Variants in SRPK2 observed in about 807,000 individuals in gnomAD.
SRPK2 encodes the protein SRSF protein kinase 2.
In SRPK2, 21 loss-of-function variants were observed where a neutral mutation model predicts 90.8. That is an observed-to-expected ratio of 0.23 (90% CI 0.16 to 0.33). SRPK2 has a LOEUF of 0.33. SRPK2 is among the 10% of genes least tolerant of loss of function. The pLI is 1.00. For synonymous variants in SRPK2, 288 were observed against 311.1 expected (o/e 0.93, Z 0.78); for missense variants, 620 against 869.0 (o/e 0.71, Z 3.60).
At chr7:105,134,857 T>G (rs1434631414) in intron 11 of SRPK2, among the ~76,000 whole-genome samples, 1 of 152,220 alleles carries the variant, frequency 6.6e-6, no homozygotes, top group Non-Finnish European at 1.5e-5. Flanking sequence ...GGTACAGATA[T>G]TCCCTGCTTG....
intron 3 of SRPK2, among the ~76,000 whole-genome samples, chr7:105,170,035 T>C (rs1352507738): frequency 6.6e-6 from 1 of 152,110 alleles, no homozygotes; most frequent in Non-Finnish European, 1.5e-5. Context: ...AGGTTGGTCT[T>C]GAACTCCTAG....
intron 2 of SRPK2, among the ~76,000 whole-genome samples, chr7:105,233,063 C>CAAGG (rs1171206364): frequency 1.2e-4 from 14 of 117,044 alleles, no homozygotes; most frequent in South Asian, 5.2e-4. Context: ...AGGGAGGGAG[C>CAAGG]AAGGAAGGAA....
chr7:105,120,577 A>T (rs1002123214), intron 15 of SRPK2, among the ~76,000 whole-genome samples: 1 of 152,196 alleles, frequency 6.6e-6, no homozygotes, highest in Non-Finnish European at 1.5e-5. Flanking sequence ...ACAACAGTAT[A>T]TGCAGGAGAG....
chr7:105,292,019 C>T (rs190058260), intron 2 of SRPK2, among the ~76,000 whole-genome samples: 18 of 152,194 alleles, frequency 1.2e-4, no homozygotes, highest in Non-Finnish European at 7.4e-5. Context: ...AAATGATGGC[C>T]TAGTCACCTC....
At position 105,196,069 on chromosome 7, in the gene SRPK2, T is replaced by C. The variant is rs189197333; in HGVS notation, c.229+7559A>G. Among the ~76,000 whole-genome samples, 187 of 152,358 alleles carry C rather than the reference T, an allele frequency of 1.2e-3. 1 individual carries two copies. Among genetic ancestry groups the C allele is most frequent in the South Asian group, 8.3e-4 (4 of 4,830 alleles). ...ACTCACCTGTCATGCTATTTAAAGCTTGTATCATAAATATCCTTGTCAATT... is the reference window on the plus strand; with the variant it reads ...ACTCACCTGTCATGCTATTTAAAGCCTGTATCATAAATATCCTTGTCAATT... On this transcript the variant is annotated intron_variant, in intron 3 of 15. Coordinates refer to ENST00000393651, the MANE Select transcript of SRPK2 (RefSeq NM_182692.3).
At chr7:105,349,154 A>C (rs1016309023) in intron 2 of SRPK2, among the ~76,000 whole-genome samples, 26 of 131,892 alleles carry the variant, frequency 2.0e-4, no homozygotes, top group Non-Finnish European at 3.9e-4. Flanking sequence ...GAAAGAGAGA[A>C]AGAAAGAGGG....
chr7:105,245,627 C>G (rs1313122095), intron 2 of SRPK2, among the ~76,000 whole-genome samples: 1 of 152,104 alleles, frequency 6.6e-6, no homozygotes, highest in East Asian at 1.9e-4. Context: ...GCAAAGAAAC[C>G]GGTAGGATCT....
intron 6 of SRPK2, among the ~76,000 whole-genome samples, chr7:105,165,524 A>G (rs1198698306): frequency 2.0e-5 from 3 of 152,180 alleles, no homozygotes; most frequent in Non-Finnish European, 4.4e-5. Context: ...GTGTCTAGCT[A>G]AAGGATTGTA....
intron 2 of SRPK2, among the ~76,000 whole-genome samples, chr7:105,218,959 T>C (rs993255065): frequency 6.6e-6 from 1 of 151,528 alleles, no homozygotes; most frequent in Non-Finnish European, 1.5e-5. Context: ...ATAATGAGAA[T>C]AGAGAAGAGA....
intron 3 of SRPK2, among the ~76,000 whole-genome samples, chr7:105,176,621 G>GTGTATATA (rs148629862): frequency 0.18 from 26,112 of 147,508 alleles, 2,475 homozygotes; most frequent in Middle Eastern, 0.23. Flanking sequence ...ATACGTGTGT[G>GTGTATATA]TATATATATA....
chr7:105,215,431 C>T (rs540553376), intron 2 of SRPK2, among the ~76,000 whole-genome samples: 1 of 152,296 alleles, frequency 6.6e-6, no homozygotes, highest in African/African-American at 2.4e-5. Context: ...GGACAACAGT[C>T]TAGCAGTATC....
intron 2 of SRPK2, among the ~76,000 whole-genome samples, chr7:105,254,411 C>A (rs1343141105): frequency 6.6e-6 from 1 of 152,164 alleles, no homozygotes; most frequent in East Asian, 1.9e-4. Context: ...ACAAACACTC[C>A]TTTATAAAGA....
In SRPK2 at chr7:105,116,446, TACAAC is replaced by T. The variant is rs1243682389; in HGVS notation, c.*1387_*1391del. On this transcript the variant is annotated 3_prime_UTR_variant, in exon 16 of 16. Transcript: ENST00000393651. Reference sequence around the variant, plus strand: ...AGCACCTCAAACAATGGATTATTGTTACAACACTTGTTAGCTTTTCACAATCTAGT... The same window carrying T: ...AGCACCTCAAACAATGGATTATTGTTACTTGTTAGCTTTTCACAATCTAGT... The T allele has an allele frequency of 2.0e-5, 3 of 152,558 alleles. No homozygotes were observed. The highest frequency in any genetic ancestry group is 4.8e-5 in the African/African-American group (2 of 41,448). The allele number at this position is 152,558 out of a possible 1,614,324, so 9.5% of individuals were successfully genotyped here.
chr7:105,387,492 T>C (rs1821743122), intron 2 of SRPK2, among the ~76,000 whole-genome samples: 2 of 150,838 alleles, frequency 1.3e-5, no homozygotes, highest in South Asian at 4.2e-4. Context: ...TGCTTTCCCC[T>C]TACTCTAATG....
At chr7:105,240,146 G>T (rs1800626498) in intron 2 of SRPK2, among the ~76,000 whole-genome samples, 1 of 152,154 alleles carries the variant, frequency 6.6e-6, no homozygotes, top group African/African-American at 2.4e-5. Context: ...GACTGATTCT[G>T]GTGAGGGCTG....
chr7:105,285,892 G>A (rs1808037887), intron 2 of SRPK2, among the ~76,000 whole-genome samples: 1 of 152,136 alleles, frequency 6.6e-6, no homozygotes, highest in Non-Finnish European at 1.5e-5. Flanking sequence ...TTCCGTTATA[G>A]CAATGCAAGA....
chr7:105,233,337 A>G (rs1011929881), intron 2 of SRPK2, among the ~76,000 whole-genome samples: 2 of 152,234 alleles, frequency 1.3e-5, no homozygotes, highest in Non-Finnish European at 2.9e-5. Context: ...GCAAGACTTC[A>G]TGGTAGCAAT....
chr7:105,388,761 C>G lies in SRPK2; in HGVS notation c.16+30G>C, dbSNP rs771562342. The G allele has an allele frequency of 3.3e-6, 5 of 1,531,262 alleles. No individual in the cohort carries two copies. In the Admixed American group the frequency reaches 9.8e-5, roughly 30 times the overall value. The allele number at this position is 1,531,262 out of a possible 1,614,324, so 94.9% of individuals were successfully genotyped here. A position where few individuals can be genotyped will look rare whatever the true frequency, so the allele number is the denominator to read the frequency against. On this transcript the variant is annotated intron_variant, in intron 1 of 15. Coordinates refer to ENST00000393651, the MANE Select transcript of SRPK2 (RefSeq NM_182692.3). ...CCGCCCGCCCGGGCTGGCCGCGTGG[C>G]GGGGAGAGGGCGCGCCGCGGGCCAC...
intron 2 of SRPK2, among the ~76,000 whole-genome samples, chr7:105,261,142 A>T (rs1426115475): frequency 6.6e-6 from 1 of 152,062 alleles, no homozygotes; most frequent in Non-Finnish European, 1.5e-5. Flanking sequence ...CCATTTTGGC[A>T]CAGAGATGGA....
Sources: gnomAD v4.1 joint callset for allele counts (sites outside exome capture counted in the v4.1 genomes callset) on GRCh38, gnomAD v4.1.1 for gene constraint, MANE v1.5 for transcripts, NCBI Gene and HGNC (gene_info 2026-07-23, HGNC 2026-07-21) for gene names.